Variants in RABGAP1L observed in about 807,000 individuals in gnomAD.
The protein encoded by RABGAP1L is rab GTPase-activating protein 1-like.
Under a neutral mutation model 137.7 loss-of-function variants are expected in RABGAP1L, and 63 were observed. That is an observed-to-expected ratio of 0.46 (90% CI 0.37 to 0.56). RABGAP1L has a LOEUF of 0.56. Ranked by LOEUF, RABGAP1L falls within the 20% of genes least tolerant of loss-of-function variation. The pLI is 0.00. For synonymous variants in RABGAP1L, 431 were observed against 433.7 expected, an observed-to-expected ratio of 0.99 and a Z score of 0.08; for missense variants, 1,095 against 1,244.0, an observed-to-expected ratio of 0.88 and a Z score of 1.80.
intron 14 of RABGAP1L, among the ~76,000 whole-genome samples, chr1:174,646,272 A>G (rs1326333681): frequency 6.6e-6 from 1 of 152,132 alleles, no homozygotes; most frequent in African/African-American, 2.4e-5. Context: ...TGTTTTAGTT[A>G]TGAAGTATTT....
chr1:174,359,089 T>C (rs528423915), intron 11 of RABGAP1L, among the ~76,000 whole-genome samples: 21 of 152,308 alleles, frequency 1.4e-4, no homozygotes, highest in South Asian at 4.2e-4. Flanking sequence ...CCTATTTTTT[T>C]CTATGTATAA....
At chr1:174,709,499 T>A (rs1310564142) in intron 17 of RABGAP1L, among the ~76,000 whole-genome samples, 2 of 152,154 alleles carry the variant, frequency 1.3e-5, no homozygotes, top group East Asian at 3.9e-4. Context: ...ATCTTTGCTG[T>A]TTTGAAGCCT....
intron 13 of RABGAP1L, among the ~76,000 whole-genome samples, chr1:174,456,843 C>G (rs1051247254): frequency 6.6e-6 from 1 of 152,076 alleles, no homozygotes; most frequent in Non-Finnish European, 1.5e-5. Context: ...ACAATTTATG[C>G]TACTTATTTA....
In RABGAP1L at chr1:174,327,992, T is replaced by C. The variant is rs1024266222; in HGVS notation, c.1465+22865T>C. ...ATATATATATATACACACACATATA[T>C]ATATATATATATATATATATATATA... On this transcript the variant is annotated intron_variant, in intron 11 of 25. Coordinates refer to ENST00000681986, the MANE Select transcript of RABGAP1L (RefSeq NM_001366446.1). 6.7e-3 allele frequency among the ~76,000 whole-genome samples: 386 copies of C among 57,572 alleles called. 19 individuals are homozygous for C. Among genetic ancestry groups the C allele is most frequent in the East Asian group, 0.061 (124 of 2,022 alleles). 37.8% of individuals were successfully genotyped at this position (57,572 alleles called of 152,430 possible).
At chr1:174,675,031 T>G (rs1313270354) in intron 14 of RABGAP1L, among the ~76,000 whole-genome samples, 2 of 151,992 alleles carry the variant, frequency 1.3e-5, no homozygotes, top group Non-Finnish European at 2.9e-5. Flanking sequence ...TCTCCCATTT[T>G]GTAGGTTGCC....
intron 18 of RABGAP1L, among the ~76,000 whole-genome samples, chr1:174,806,890 A>G (rs1197428758): frequency 6.6e-6 from 1 of 152,156 alleles, no homozygotes; most frequent in Non-Finnish European, 1.5e-5. Context: ...GGTTCAAGCA[A>G]TTCTCCTGCC....
At chr1:174,743,114 CAGCAGACGAGATG>C (rs1186547101) in intron 17 of RABGAP1L, among the ~76,000 whole-genome samples, 3 of 152,206 alleles carry the variant, frequency 2.0e-5, no homozygotes, top group Non-Finnish European at 4.4e-5. Context: ...TTGGGGGCTG[CAGCAGACGAGATG>C]AGATGGGAGC....
chr1:174,673,761 A>G (rs966909078), intron 14 of RABGAP1L, among the ~76,000 whole-genome samples: 2 of 152,172 alleles, frequency 1.3e-5, no homozygotes, highest in Admixed American at 6.5e-5. Context: ...TGGTACCTAA[A>G]TCAAAATTCT....
chr1:174,322,467 C>T (rs1351465696), intron 11 of RABGAP1L, among the ~76,000 whole-genome samples: 2 of 152,066 alleles, frequency 1.3e-5, no homozygotes, highest in Non-Finnish European at 2.9e-5. Flanking sequence ...ATATAGCAGT[C>T]AAAATGATGC....
chr1:174,646,792 T>G (rs1675003442), intron 14 of RABGAP1L, among the ~76,000 whole-genome samples: 1 of 152,188 alleles, frequency 6.6e-6, no homozygotes, highest in Non-Finnish European at 1.5e-5. Context: ...ATCTAAAGAT[T>G]GCTTTGGGCA....
intron 19 of RABGAP1L, among the ~76,000 whole-genome samples, chr1:174,874,154 T>G (rs1652673457): frequency 6.6e-6 from 1 of 152,200 alleles, no homozygotes; most frequent in Admixed American, 6.5e-5. Flanking sequence ...AACATTTTCT[T>G]AATAAGATCC....
At chr1:174,454,131 C>G (rs563565378) in intron 13 of RABGAP1L, among the ~76,000 whole-genome samples, 45 of 151,992 alleles carry the variant, frequency 3.0e-4, no homozygotes, top group Non-Finnish European at 5.9e-4. Flanking sequence ...GGTATGGTGA[C>G]ATGCACCTGT....
chr1:174,313,709 G>GT (rs921175864), intron 11 of RABGAP1L, among the ~76,000 whole-genome samples: 1 of 152,112 alleles, frequency 6.6e-6, no homozygotes, highest in Non-Finnish European at 1.5e-5. Context: ...TTTTTTGAGG[G>GT]TTTTTAATCA....
chr1:174,173,682 A>G (rs1381790661), intron 1 of RABGAP1L, among the ~76,000 whole-genome samples: 9 of 151,796 alleles, frequency 5.9e-5, no homozygotes, highest in Admixed American at 5.9e-4. Flanking sequence ...TTTATAAGGT[A>G]GAATATGGGT....
intron 1 of RABGAP1L, among the ~76,000 whole-genome samples, chr1:174,217,555 G>A (rs1669432025): frequency 6.6e-6 from 1 of 152,180 alleles, no homozygotes; most frequent in South Asian, 2.1e-4. Flanking sequence ...TATGTGGTGT[G>A]TTGGCAGTTA....
At chr1:174,418,401 G>A (rs182648773) in intron 13 of RABGAP1L, among the ~76,000 whole-genome samples, 2 of 152,274 alleles carry the variant, frequency 1.3e-5, no homozygotes, top group Admixed American at 1.3e-4. Flanking sequence ...CAGTACAATG[G>A]TGTCTTAAGT....
intron 10 of RABGAP1L, among the ~76,000 whole-genome samples, chr1:174,298,582 G>A (rs1349983218): frequency 6.6e-6 from 1 of 152,152 alleles, no homozygotes; most frequent in Non-Finnish European, 1.5e-5. Context: ...AATTGAGTCT[G>A]GGGCAGAAAT....
chr1:174,511,896 A>G (rs1166553087), intron 13 of RABGAP1L, among the ~76,000 whole-genome samples: 1 of 152,054 alleles, frequency 6.6e-6, no homozygotes, highest in Non-Finnish European at 1.5e-5. Flanking sequence ...TGGGATTACA[A>G]GCATAAGCCA....
chr1:174,923,761 A>G (rs567709599), intron 19 of RABGAP1L, among the ~76,000 whole-genome samples: 1 of 151,878 alleles, frequency 6.6e-6, no homozygotes, highest in South Asian at 2.1e-4. Context: ...CGTGCCTGTA[A>G]TCCCAGCTAC....
Sources: allele counts gnomAD v4.1 joint callset (sites outside exome capture counted in the v4.1 genomes callset), GRCh38; gene constraint gnomAD v4.1.1; transcripts MANE v1.5; gene names NCBI Gene and HGNC (gene_info 2026-07-23, HGNC 2026-07-21).